The following ZNF653 variants were observed in gnomAD, a reference collection of about 807,000 sequenced individuals.
ZNF653 encodes 67 kDa zinc finger protein.
Under a neutral mutation model 59.9 loss-of-function variants are expected in ZNF653, and 37 were observed. That is an observed-to-expected ratio of 0.62 (90% CI 0.48 to 0.81). The LOEUF is 0.81. Ranked by LOEUF, ZNF653 falls within the 40% of genes least tolerant of loss-of-function variation. ZNF653 has a pLI of 0.00. For missense variants in ZNF653, 808 were observed against 881.1 expected (o/e 0.92, Z 1.05); for synonymous variants, 435 against 371.8 (o/e 1.17, Z -1.96).
At chr19:11,492,928 G>A (rs1260340698) in intron 3 of ZNF653, among the ~76,000 whole-genome samples, 1 of 151,862 alleles carries the variant, frequency 6.6e-6, no homozygotes. Context: ...TGTATTTTTA[G>A]TAGAGACCGG....
chr19:11,494,057 C>T lies in ZNF653; in HGVS notation c.559+1893G>A, dbSNP rs577826017. On this transcript the variant is annotated intron_variant, in intron 3 of 8. Coordinates refer to ENST00000293771, the MANE Select transcript of ZNF653 (RefSeq NM_138783.4). ...AAATAAAAAGCCAGGTATGGTGGCT[C>T]ACACCAGTAATCCCAGCACTTAGGG... 1.3e-4 allele frequency among the ~76,000 whole-genome samples: 19 copies of T among 150,526 alleles called. No homozygotes were observed. In the South Asian group the frequency reaches 1.9e-3, roughly 15 times the overall value.
intron 5 of ZNF653, 30 bp from the exon 6 acceptor site, chr19:11,486,910 C>A: frequency 1.2e-6 from 2 of 1,610,794 alleles, no homozygotes; most frequent in South Asian, 1.1e-5. Context: ...GACATCGGGG[C>A]TCCCGCACCA....
In ZNF653 at chr19:11,505,831, A is replaced by G. The variant is rs1430315221; in HGVS notation, c.-45T>C. Reference sequence around the variant, plus strand: ...AGCCTCCCCCGTTGTTAGGAGCCAGACCGGAAGTGGCGCGCATCTTCGGCG... The same window carrying G: ...AGCCTCCCCCGTTGTTAGGAGCCAGGCCGGAAGTGGCGCGCATCTTCGGCG... On this transcript the variant is annotated 5_prime_UTR_variant, in exon 1 of 9. Coordinates refer to ENST00000293771, the MANE Select transcript of ZNF653 (RefSeq NM_138783.4). The G allele has an allele frequency of 1.6e-6, 2 of 1,281,622 alleles. No individual in the cohort carries two copies. Among genetic ancestry groups the G allele is most frequent in the Admixed American group, 4.0e-5 (1 of 25,038 alleles). The allele number at this position is 1,281,622 out of a possible 1,614,324, so 79.4% of individuals were successfully genotyped here.
At position 11,487,764 on chromosome 19, in the gene ZNF653, G is replaced by C; in HGVS notation, c.699C>G (p.Ser233Arg). The change falls in exon 4 of 9, where the codon AGC becomes AGG. Residue 233 changes from serine (S) to arginine (R), a missense_variant. By Grantham distance (110) the Ser-to-Arg change is moderately radical (BLOSUM62 -1). Coordinates refer to ENST00000293771, the MANE Select transcript of ZNF653 (RefSeq NM_138783.4). This position sits in a 1 kb window ranked among gnomAD's most constrained non-coding sequence, Gnocchi z 5.1. ...CGCCCTCCTGAGTGATGAGCCCGCTGCTGCCCACCGGGCTGGTGGGCGTCG... is the reference window on the plus strand; with the variant it reads ...CGCCCTCCTGAGTGATGAGCCCGCTCCTGCCCACCGGGCTGGTGGGCGTCG... ...AAATPTSPVG[S>R]SGLITQEGVH... 1 of 1,613,036 alleles carries C rather than the reference G, an allele frequency of 6.2e-7. No homozygotes were observed. Among genetic ancestry groups the C allele is most frequent in the Non-Finnish European group, 8.5e-7 (1 of 1,179,844 alleles).
Position 11,505,598 on chromosome 19 carries a change from G to C in ZNF653, c.189C>G (p.Gly63=), listed in dbSNP as rs780235427. The change falls in exon 1 of 9, where the codon GGC becomes GGG. Residue 63 remains glycine (G), a synonymous_variant. Coordinates refer to ENST00000293771, the MANE Select transcript of ZNF653 (RefSeq NM_138783.4). The part of the protein sequence containing the change: ...KKYDVRRVYL[G]EAHGPWVDLR... ...GGTCCACCCAGGGCCCGTGCGCCTC[G>C]CCCAGGTACACGCGCCGCACGTCGT... 60 of 1,506,804 alleles carry C rather than the reference G, an allele frequency of 4.0e-5. No individual in the cohort carries two copies. The South Asian group carries it at 6.3e-4, about 16-fold the overall frequency. 93.3% of individuals were successfully genotyped at this position (1,506,804 alleles called of 1,614,324 possible).
chr19:11,491,877 G>A (rs144690222), intron 3 of ZNF653, among the ~76,000 whole-genome samples: 15 of 151,392 alleles, frequency 9.9e-5, no homozygotes, highest in East Asian at 2.0e-4. Flanking sequence ...GCACCCGGCC[G>A]GCTTGAATCC....
rs1488163663 is a variant in ZNF653, at chr19:11,483,807, T to C, written c.1723A>G (p.Met575Val). 3.7e-6 allele frequency: 6 copies of C among 1,611,470 alleles called. No homozygotes were observed. In the Admixed American group the frequency reaches 5.0e-5, roughly 13 times the overall value. ...CRQRASLNWH[M>V]KKHTAEVQYN... ...TGCACCTCCGCAGTGTGCTTCTTCA[T>C]GTGCCAGTTGAGCGACGCGCGCTGC... is the stretch of plus-strand genomic sequence containing the variant. The change falls in exon 9 of 9, where the codon ATG (methionine) becomes GTG (valine). Residue 575 changes from methionine (M) to valine (V), a missense_variant. By Grantham distance (21) the Met-to-Val change is conservative (BLOSUM62 1). Coordinates refer to ENST00000293771, the MANE Select transcript of ZNF653 (RefSeq NM_138783.4).
Position 11,495,874 on chromosome 19 carries a change from G to C in ZNF653, c.559+76C>G, listed in dbSNP as rs1568396065. ...AGCCACTGTGGCTGCTATTCTGTTT[G>C]TGATGCTAGCCTAGGGCTCGTAAGA... On this transcript the variant is annotated intron_variant, in intron 3 of 8. Coordinates refer to ENST00000293771, the MANE Select transcript of ZNF653 (RefSeq NM_138783.4). The surrounding 1 kb of genome is among the most constrained non-coding windows in gnomAD (Gnocchi z 4.9). The C allele has an allele frequency of 1.4e-6, 2 of 1,437,234 alleles. No individual in the cohort carries two copies. Among genetic ancestry groups the C allele is most frequent in the African/African-American group, 2.8e-5 (2 of 71,168 alleles). The allele number at this position is 1,437,234 out of a possible 1,614,324, so 89.0% of individuals were successfully genotyped here.
At chr19:11,491,648 C>T (rs1451894315) in intron 3 of ZNF653, among the ~76,000 whole-genome samples, 1 of 151,518 alleles carries the variant, frequency 6.6e-6, no homozygotes, top group African/African-American at 2.4e-5. Context: ...AGTGCAGTGG[C>T]ACGATCTTGG....
intron 5 of ZNF653, 52 bp downstream of exon 5, chr19:11,486,935 C>T (rs1971472486): frequency 1.2e-6 from 2 of 1,610,646 alleles, no homozygotes; most frequent in Admixed American, 1.7e-5. Context: ...GGCTGGGGGC[C>T]TGCGGGCCGC....
chr19:11,490,219 A>C (rs1050061896), intron 3 of ZNF653, among the ~76,000 whole-genome samples: 1 of 152,174 alleles, frequency 6.6e-6, no homozygotes, highest in African/African-American at 2.4e-5. Context: ...CTTTATTACA[A>C]AGGATTCAAC....
In ZNF653 at chr19:11,483,564, G is replaced by A. The variant is rs1365199297; in HGVS notation, c.*118C>T. On this transcript the variant is annotated 3_prime_UTR_variant, in exon 9 of 9. Transcript: ENST00000293771. The stretch of plus-strand genomic sequence containing the variant: ...AGGGGGCCCAGCTCTGGGGCGGGGC[G>A]GGGGCGCCTCCTTCCGGCCCGCGGT... 2 of 1,435,660 alleles carry A rather than the reference G, an allele frequency of 1.4e-6. No homozygotes were observed. The highest frequency in any genetic ancestry group is 1.5e-5 in the South Asian group (1 of 68,350). 88.9% of individuals were successfully genotyped at this position (1,435,660 alleles called of 1,614,324 possible). A position where few individuals can be genotyped will look rare whatever the true frequency, so the allele number is the denominator to read the frequency against.
rs985896892 is a variant in ZNF653, at chr19:11,495,677, C to T, written c.559+273G>A. On this transcript the variant is annotated intron_variant, in intron 3 of 8. Coordinates refer to ENST00000293771, the MANE Select transcript of ZNF653 (RefSeq NM_138783.4). This position sits in a 1 kb window ranked among gnomAD's most constrained non-coding sequence, Gnocchi z 4.9. ...GCTGCCAAGCCAGGGCTCCTGGGCC[C>T]TCAGCCAGCCCTGCCTGGGACTGGC... The T allele has an allele frequency of 4.3e-5, 20 of 461,028 alleles. No individual in the cohort carries two copies. The highest frequency in any genetic ancestry group is 4.0e-4 in the African/African-American group (20 of 50,618). The allele number at this position is 461,028 out of a possible 1,614,324, so 28.6% of individuals were successfully genotyped here.
chr19:11,504,432 A>T (rs1971684075), intron 1 of ZNF653: 1 of 764,330 alleles, frequency 1.3e-6, no homozygotes, highest in Non-Finnish European at 1.6e-6. Context: ...AAAACGAACA[A>T]AAAAACCCCC....
Position 11,486,986 on chromosome 19 carries a change from C to A in ZNF653, c.1343+1G>T. On this transcript the variant is annotated splice_donor_variant, in intron 5 of 8. Transcript: ENST00000293771. LOFTEE classifies it high-confidence loss of function. Reference sequence around the variant, plus strand: ...TCACCCTTGCCCGCCCCGGCACCCACTTCTCAGGCTCCTTGGGGATTTCAT... The same window carrying A: ...TCACCCTTGCCCGCCCCGGCACCCAATTCTCAGGCTCCTTGGGGATTTCAT... 6.2e-7 allele frequency: 1 copy of A among 1,613,700 alleles called. No homozygotes were observed. The highest frequency in any genetic ancestry group is 8.5e-7 in the Non-Finnish European group (1 of 1,179,756).
chr19:11,505,370 T>G, intron 1 of ZNF653, 118 bp downstream of exon 1: 1 of 1,114,478 alleles, frequency 9.0e-7, no homozygotes, highest in Non-Finnish European at 1.2e-6. Flanking sequence ...CCGGCCCGGC[T>G]CCTGGGCGGG....
At chr19:11,501,058 G>A (rs538889820) in intron 1 of ZNF653, among the ~76,000 whole-genome samples, 4 of 152,138 alleles carry the variant, frequency 2.6e-5, no homozygotes, top group African/African-American at 4.8e-5. Flanking sequence ...GCTGTTTCCC[G>A]CCATTTCCTT....
Position 11,487,285 on chromosome 19 carries a change from C to G in ZNF653, c.1171+7G>C. ...CCTGGCCAGAGGCCACGACAGGTCC[C>G]CCAGACCTTTCTTGGTCTCGATGCC... On this transcript the variant is annotated splice_region_variant and intron_variant, in intron 4 of 8. Transcript: ENST00000293771. The surrounding 1 kb of genome is among the most constrained non-coding windows in gnomAD (Gnocchi z 5.1). 1 of 1,609,566 alleles carries G rather than the reference C, an allele frequency of 6.2e-7. No individual in the cohort carries two copies. Among genetic ancestry groups the G allele is most frequent in the Non-Finnish European group, 8.5e-7 (1 of 1,177,146 alleles).
chr19:11,498,395 A>G, intron 1 of ZNF653, 56 bp from the exon 2 acceptor site: 1 of 1,610,782 alleles, frequency 6.2e-7, no homozygotes, highest in Non-Finnish European at 8.5e-7. Flanking sequence ...GGCCTGTCTG[A>G]CCCATGAGTA....
Sources: allele counts gnomAD v4.1 joint callset (sites outside exome capture counted in the v4.1 genomes callset), GRCh38; gene constraint gnomAD v4.1.1; non-coding constraint Gnocchi (gnomAD v3.1); transcripts MANE v1.5; gene names NCBI Gene and HGNC (gene_info 2026-07-23, HGNC 2026-07-21).